The following LARGE1 variants were observed in gnomAD, a reference collection of about 807,000 sequenced individuals.
LARGE1 encodes LARGE xylosyl- and glucuronyltransferase 1, also known as xylosyl- and glucuronyltransferase LARGE1.
LARGE1 carries 43 observed loss-of-function variants against 87.6 expected under a neutral mutation model. That is an observed-to-expected ratio of 0.49 (90% confidence interval 0.38 to 0.63). LARGE1 has a LOEUF of 0.63. Among genes scored for constraint, LARGE1 ranks in the 30% least tolerant of loss-of-function variants. The probability of loss-of-function intolerance (pLI) is 0.00; values close to 1 mark genes in which losing one functional copy is unlikely to be tolerated. For missense variants in LARGE1, 802 were observed against 1,000.2 expected (o/e 0.80, Z 2.67); for synonymous variants, 434 against 394.6 (o/e 1.10, Z -1.18).
intron 2 of LARGE1, among the ~76,000 whole-genome samples, chr22:33,758,102 T>C (rs1201270808): frequency 1.3e-5 from 2 of 152,202 alleles, no homozygotes; most frequent in Non-Finnish European, 2.9e-5. Context: ...ATGATCCTCA[T>C]TATGAGGAGC....
chr22:33,574,272 C>G (rs772330388), intron 5 of LARGE1, among the ~76,000 whole-genome samples: 26 of 152,140 alleles, frequency 1.7e-4, no homozygotes, highest in Non-Finnish European at 2.9e-5. Context: ...GCTCAAGTCT[C>G]TGATATAAAA....
At chr22:33,905,923 A>G (rs1260306071) in intron 1 of LARGE1, among the ~76,000 whole-genome samples, 2 of 152,176 alleles carry the variant, frequency 1.3e-5, no homozygotes, top group East Asian at 3.9e-4. Context: ...TGAGGTCAGG[A>G]GTTCGAGACC....
chr22:33,573,369 G>A (rs902378566), intron 5 of LARGE1, among the ~76,000 whole-genome samples: 1 of 152,128 alleles, frequency 6.6e-6, no homozygotes, highest in African/African-American at 2.4e-5. Flanking sequence ...AACCCAGGAG[G>A]TGGGGGTTGC....
At chr22:33,172,390 G>A (rs530345032) in intron 11 of LARGE1, among the ~76,000 whole-genome samples, 25 of 152,238 alleles carry the variant, frequency 1.6e-4, no homozygotes, top group East Asian at 1.2e-3. Flanking sequence ...TGCTGTTCTC[G>A]TGACAGTGAG....
intron 6 of LARGE1, among the ~76,000 whole-genome samples, chr22:33,544,519 T>G (rs1191388936): frequency 6.6e-6 from 1 of 152,020 alleles, no homozygotes; most frequent in Admixed American, 6.6e-5. Context: ...AAACTCCATC[T>G]CTACTAAAAT....
chr22:33,181,052 G>A (rs1923133861), intron 11 of LARGE1, among the ~76,000 whole-genome samples: 2 of 152,114 alleles, frequency 1.3e-5, no homozygotes, highest in African/African-American at 4.8e-5. Flanking sequence ...TTGAAAGTGG[G>A]TAAATTATAA....
intron 4 of LARGE1, among the ~76,000 whole-genome samples, chr22:33,620,759 T>TA (rs890317282): frequency 6.6e-6 from 1 of 151,594 alleles, no homozygotes; most frequent in African/African-American, 2.4e-5. Flanking sequence ...CCATCTCCAC[T>TA]AAAAAAAATT....
At chr22:33,550,140 T>TACAC (rs1491548502) in intron 6 of LARGE1, among the ~76,000 whole-genome samples, 8 of 96,772 alleles carry the variant, frequency 8.3e-5, no homozygotes, top group African/African-American at 2.9e-4. Context: ...GAACTTAAAG[T>TACAC]ATACACACAC....
intron 4 of LARGE1, among the ~76,000 whole-genome samples, chr22:33,624,758 T>G (rs1020067852): frequency 6.6e-6 from 1 of 152,138 alleles, no homozygotes; most frequent in Non-Finnish European, 1.5e-5. Flanking sequence ...GATGTGCCTG[T>G]TTGAAATGTC....
intron 6 of LARGE1, among the ~76,000 whole-genome samples, chr22:33,518,432 C>T (rs372614644): frequency 2.0e-4 from 30 of 152,336 alleles, no homozygotes; most frequent in African/African-American, 7.2e-4. Flanking sequence ...AATTCTCATG[C>T]CTCAGCCTCC....
At chr22:33,181,397 A>G (rs1923153021) in intron 11 of LARGE1, among the ~76,000 whole-genome samples, 1 of 152,128 alleles carries the variant, frequency 6.6e-6, no homozygotes, top group African/African-American at 2.4e-5. Context: ...TCTCCATTTT[A>G]AAGATCTTTT....
At chr22:33,632,134 T>G (rs948688183) in intron 3 of LARGE1, among the ~76,000 whole-genome samples, 2 of 152,160 alleles carry the variant, frequency 1.3e-5, no homozygotes, top group Non-Finnish European at 2.9e-5. Context: ...GTTTGTTTGT[T>G]TGTTTTGAGA....
At chr22:33,122,547 C>T in the LARGE1 span, among the ~76,000 whole-genome samples, 3 of 151,878 alleles carry the variant, frequency 2.0e-5, no homozygotes, top group African/African-American at 2.4e-5. Flanking sequence ...TTAGTAGAGA[C>T]GGGGTTTCTC....
chr22:33,668,763 A>G (rs2081331967), intron 2 of LARGE1, among the ~76,000 whole-genome samples: 1 of 152,208 alleles, frequency 6.6e-6, no homozygotes, highest in South Asian at 2.1e-4. Context: ...GCAGGACCCC[A>G]GAGATAATCA....
intron 3 of LARGE1, among the ~76,000 whole-genome samples, chr22:33,643,480 A>G (rs1382746030): frequency 1.3e-5 from 2 of 152,242 alleles, no homozygotes; most frequent in African/African-American, 2.4e-5. Flanking sequence ...CAACTAGAGA[A>G]GCAAGAGCAA....
the LARGE1 span, among the ~76,000 whole-genome samples, chr22:33,078,995 C>T: frequency 6.6e-6 from 1 of 152,146 alleles, no homozygotes; most frequent in South Asian, 2.1e-4. Flanking sequence ...ACACTAACTA[C>T]AAGCATGGAT....
At chr22:33,258,780 C>G (rs1278295517) in intron 11 of LARGE1, among the ~76,000 whole-genome samples, 1 of 152,082 alleles carries the variant, frequency 6.6e-6, no homozygotes, top group African/African-American at 2.4e-5. Flanking sequence ...ATTCCTTTAC[C>G]TCTCTTGGGG....
intron 6 of LARGE1, chr22:33,562,809 C>A (rs1182343111): frequency 1.3e-5 from 2 of 152,512 alleles, no homozygotes; most frequent in Admixed American, 6.5e-5. Context: ...TCTCTGATGA[C>A]CTGTTCTGGT....
intron 14 of LARGE1, among the ~76,000 whole-genome samples, chr22:33,275,886 G>C (rs565490992): frequency 6.6e-6 from 1 of 152,300 alleles, no homozygotes; most frequent in East Asian, 1.9e-4. Context: ...GAGGCTGACT[G>C]AACACTGTTG....
Sources: gnomAD v4.1 joint callset for allele counts (sites outside exome capture counted in the v4.1 genomes callset) on GRCh38, gnomAD v4.1.1 for gene constraint, MANE v1.5 for transcripts, NCBI Gene and HGNC (gene_info 2026-07-23, HGNC 2026-07-21) for gene names.